PRR36: variants seen among roughly 807,000 people sequenced by gnomAD.
The protein encoded by PRR36 is proline rich 36.
A neutral mutation model predicts 58.6 loss-of-function variants in PRR36; 30 were observed. The ratio of observed to expected loss-of-function variants is 0.51; its 90% confidence interval spans 0.38 to 0.69. PRR36 has a LOEUF of 0.69. Among genes scored for constraint, PRR36 ranks in the 30% least tolerant of loss-of-function variants. PRR36 has a pLI of 0.00. For missense variants in PRR36, 1,692 were observed against 1,805.6 expected (o/e 0.94, Z 1.14); for synonymous variants, 771 against 829.3 (o/e 0.93, Z 1.21).
chr19:7,872,422 CGGCTT>C lies in PRR36; in HGVS notation c.817_821del (p.Lys273GlufsTer166). 4 of 1,450,842 alleles carry C rather than the reference CGGCTT, an allele frequency of 2.8e-6. No homozygotes were observed. Among genetic ancestry groups the C allele is most frequent in the Non-Finnish European group, 3.6e-6 (4 of 1,107,870 alleles). 89.9% of individuals were successfully genotyped at this position (1,450,842 alleles called of 1,614,324 possible). ...GGGGTCGCAGAGCCTGCAGTCCTTT[CGGCTT>C]GGGCTGCGAGGGATGCGCAGGAGCC... is the stretch of plus-strand genomic sequence containing the variant. On this transcript the variant is annotated frameshift_variant, in exon 5 of 6. Transcript: ENST00000618550. LOFTEE classifies it high-confidence loss of function. This position sits in a 1 kb window ranked among gnomAD's most constrained non-coding sequence, Gnocchi z 6.1.
Position 7,873,309 on chromosome 19 carries a change from G to A in PRR36, c.272-10C>T, listed in dbSNP as rs544523695. The stretch of plus-strand genomic sequence containing the variant: ...GCTGGGGGCCTGGAGGCTGCGGGGA[G>A]AAGGCCGAGTCACAGGTGCCCCGGA... On this transcript the variant is annotated splice_polypyrimidine_tract_variant and intron_variant, in intron 2 of 5. Coordinates refer to ENST00000618550, the MANE Select transcript of PRR36 (RefSeq NM_001190467.2). The surrounding 1 kb of genome is among the most constrained non-coding windows in gnomAD (Gnocchi z 5.0). 1.9e-3 allele frequency: 2,875 copies of A among 1,530,288 alleles called. 9 individuals are homozygous for A. Among genetic ancestry groups the A allele is most frequent in the Middle Eastern group, 0.016 (96 of 5,950 alleles). 94.8% of individuals were successfully genotyped at this position (1,530,288 alleles called of 1,614,324 possible). A position where few individuals can be genotyped will look rare whatever the true frequency, so the allele number is the denominator to read the frequency against.
rs1356969561 is a variant in PRR36, at chr19:7,874,269, G to C, written c.-8+17C>G. The C allele has an allele frequency of 1.3e-5, 2 of 152,216 alleles. No homozygotes were observed. Among genetic ancestry groups the C allele is most frequent in the African/African-American group, 4.8e-5 (2 of 41,430 alleles). 9.4% of individuals were successfully genotyped at this position (152,216 alleles called of 1,614,324 possible). On this transcript the variant is annotated intron_variant, in intron 1 of 5. Coordinates refer to ENST00000618550, the MANE Select transcript of PRR36 (RefSeq NM_001190467.2). The surrounding 1 kb of genome is among the most constrained non-coding windows in gnomAD (Gnocchi z 6.0). ...TGGCCCGCGCCCAGCCTCTCCACCT[G>C]CTCGCGTCGCGCTCACCTCCGCCTC... is the stretch of plus-strand genomic sequence containing the variant.
At position 7,871,024 on chromosome 19, in the gene PRR36, T is replaced by G; in HGVS notation, c.2220A>C (p.Leu740=). The G allele has an allele frequency of 7.0e-7, 1 of 1,432,604 alleles. No homozygotes were observed. The highest frequency in any genetic ancestry group is 2.6e-5 in the East Asian group (1 of 39,164). The allele number at this position is 1,432,604 out of a possible 1,614,324, so 88.7% of individuals were successfully genotyped here. ...TTPPLENLPS[L]APPPLQTASA... ...AAGCTGTCTGCAGAGGAGGCGGGGC[T>G]AGAGAAGGTAGGTTCTCCAGAGGGG... Residue 740 remains leucine, a synonymous_variant, in exon 5 of 6, where the codon CTA becomes CTC. Transcript: ENST00000618550.
chr19:7,869,833 G>A lies in PRR36; in HGVS notation c.3411C>T (p.Asp1137=), dbSNP rs1284212028. 9.6e-6 allele frequency: 13 copies of A among 1,350,624 alleles called. No homozygotes were observed. The East Asian group carries it at 3.4e-4, about 35-fold the overall frequency. 83.7% of individuals were successfully genotyped at this position (1,350,624 alleles called of 1,614,324 possible). ...TSTPEELRGY[D]SGPEGGAAAS... is the part of the protein sequence containing the mutation. Reference sequence around the variant, plus strand: ...CTGCGGCACCGCCCTCGGGCCCGCTGTCGTAGCCACGCAGCTCCTCTGGCG... The same window carrying A: ...CTGCGGCACCGCCCTCGGGCCCGCTATCGTAGCCACGCAGCTCCTCTGGCG... The change falls in exon 5 of 6, where the codon GAC becomes GAT. Residue 1137 remains aspartate (D), a synonymous_variant. Transcript: ENST00000618550.
In PRR36 at chr19:7,870,563, G is replaced by T; in HGVS notation, c.2681C>A (p.Pro894Gln). The T allele has an allele frequency of 1.8e-6, 2 of 1,120,154 alleles. No homozygotes were observed. Among genetic ancestry groups the T allele is most frequent in the Non-Finnish European group, 2.3e-6 (2 of 882,022 alleles). The allele number at this position is 1,120,154 out of a possible 1,614,324, so 69.4% of individuals were successfully genotyped here. The change falls in exon 5 of 6, where the codon CCA becomes CAA. Residue 894 changes from proline (P) to glutamine (Q), a missense_variant. Pro to Gln is a moderately conservative substitution (Grantham distance 76). Transcript: ENST00000618550. ...QAPFSPPPSP[P>Q]VQAPFSPPAS... ...AGGGGGAGAGAAAGGGGCCTGCACTGGGGGTGAGGGAGGGGGAGAGAAAGG... is the reference window on the plus strand; with the variant it reads ...AGGGGGAGAGAAAGGGGCCTGCACTTGGGGTGAGGGAGGGGGAGAGAAAGG...
In PRR36 at chr19:7,871,463, A is replaced by C; in HGVS notation, c.1781T>G (p.Leu594Arg). 1 of 1,534,990 alleles carries C rather than the reference A, an allele frequency of 6.5e-7. No homozygotes were observed. The highest frequency in any genetic ancestry group is 8.7e-7 in the Non-Finnish European group (1 of 1,146,682). ...TIPPIQVPHSLTSPSLQAPPS... is the reference protein window; with the variant it reads ...TIPPIQVPHSRTSPSLQAPPS... ...AGGTGCCTGCAGAGACGGTGAGGTC[A>C]GAGAATGTGGGACCTGTATTGGGGG... is the stretch of plus-strand genomic sequence containing the variant. Residue 594 changes from leucine to arginine, a missense_variant, in exon 5 of 6, where the codon CTG becomes CGG. Around this residue, in one of 5 missense-constraint regions of PRR36, gnomAD observed 975 missense variants for 955.2 expected, o/e 1.02. Transcript: ENST00000618550.
In PRR36 at chr19:7,873,762, C is replaced by A; in HGVS notation, c.-7-66G>T. On this transcript the variant is annotated intron_variant, in intron 1 of 5. Coordinates refer to ENST00000618550, the MANE Select transcript of PRR36 (RefSeq NM_001190467.2). The surrounding 1 kb of genome is among the most constrained non-coding windows in gnomAD (Gnocchi z 5.0). ...CTACGCCGCCTCCAGAGACCTGGAC[C>A]CTGCTACCTCACTGCCCTTTCGCAG... is the stretch of plus-strand genomic sequence containing the variant. The A allele has an allele frequency of 7.0e-7, 1 of 1,427,488 alleles. No individual in the cohort carries two copies. The highest frequency in any genetic ancestry group is 9.3e-7 in the Non-Finnish European group (1 of 1,071,836). The allele number at this position is 1,427,488 out of a possible 1,614,324, so 88.4% of individuals were successfully genotyped here.
Position 7,869,111 on chromosome 19 carries a change from C to G in PRR36, c.3963G>C (p.Ser1321=). Residue 1321 remains serine, a synonymous_variant, in exon 6 of 6, where the codon TCG becomes TCC. Transcript: ENST00000618550. ...PLDESRASIT[S]VTSFSPDDVA... ...CGTCGTCCGGAGAGAAGCTGGTGAC[C>G]GAGGTGATGCTGGCACGGGACTCGT... is the stretch of plus-strand genomic sequence containing the variant. 6.5e-7 allele frequency: 1 copy of G among 1,534,898 alleles called. No individual in the cohort carries two copies. The highest frequency in any genetic ancestry group is 8.7e-7 in the Non-Finnish European group (1 of 1,146,474).
Position 7,870,674 on chromosome 19 carries a change from G to C in PRR36, c.2570C>G (p.Ser857Cys), listed in dbSNP as rs1177951166. The change falls in exon 5 of 6, where the codon TCT becomes TGT. Residue 857 changes from serine to cysteine, a missense_variant. Physicochemically the swap from Ser to Cys is moderately radical, Grantham distance 112 (BLOSUM62 -1). Around this residue, in one of 5 missense-constraint regions of PRR36, gnomAD observed 171 missense variants for 146.2 expected, o/e 1.17. Coordinates refer to ENST00000618550, the MANE Select transcript of PRR36 (RefSeq NM_001190467.2). ...LALPPLQAPP[S>C]PPASPPLSPL... is the part of the protein sequence containing the mutation. ...AGACAGAGGGGGTGAGGCAGGGGGA[G>C]AGGGAGGGGCCTGCAGAGGAGGCAA... The C allele has an allele frequency of 3.5e-5, 48 of 1,361,078 alleles. No homozygotes were observed. Among genetic ancestry groups the C allele is most frequent in the Non-Finnish European group, 4.4e-5 (47 of 1,056,234 alleles). The allele number at this position is 1,361,078 out of a possible 1,614,324, so 84.3% of individuals were successfully genotyped here.
At position 7,868,877 on chromosome 19, in the gene PRR36, G is replaced by A; in HGVS notation, c.*156C>T. 1.1e-6 allele frequency: 1 copy of A among 876,126 alleles called. No individual in the cohort carries two copies. The highest frequency in any genetic ancestry group is 1.6e-6 in the Non-Finnish European group (1 of 610,466). 54.3% of individuals were successfully genotyped at this position (876,126 alleles called of 1,614,324 possible). Reference sequence around the variant, plus strand: ...GGTCAAAGCTGTGGGTAGGTCCCGAGCCTCCGAGGCCAAAGGCTCAGGCTC... The same window carrying A: ...GGTCAAAGCTGTGGGTAGGTCCCGAACCTCCGAGGCCAAAGGCTCAGGCTC... On this transcript the variant is annotated 3_prime_UTR_variant, in exon 6 of 6. Coordinates refer to ENST00000618550, the MANE Select transcript of PRR36 (RefSeq NM_001190467.2).
Position 7,869,514 on chromosome 19 carries a change from C to G in PRR36, c.3560G>C (p.Gly1187Ala), listed in dbSNP as rs1177518556. Residue 1187 changes from glycine (G) to alanine (A), a missense_variant, in exon 6 of 6, where the codon GGA (glycine) becomes GCA (alanine). This residue lies in a region of PRR36 where 485 missense variants were observed against 549.2 expected (regional missense o/e 0.88). Transcript: ENST00000618550. ...GCACAGACCGTCAGCAGAGCCCGGTCCGGTAGCGGGAGGCCACGGCAGGGG... is the reference window on the plus strand; with the variant it reads ...GCACAGACCGTCAGCAGAGCCCGGTGCGGTAGCGGGAGGCCACGGCAGGGG... ...GAPLPWPPAT[G>A]PGSADGLCTI... 6.6e-7 allele frequency: 1 copy of G among 1,520,342 alleles called. No individual in the cohort carries two copies. 94.2% of individuals were successfully genotyped at this position (1,520,342 alleles called of 1,614,324 possible).
rs1980431728 is a variant in PRR36 at position 7,871,307 on chromosome 19, G to A, written c.1937C>T (p.Pro646Leu). ...GGGTGAATCAGGGGGAGTAGAGGCC[G>A]GCCGAGAAGGTGAGATCAAAGAAGC... The part of the protein sequence containing the change: ...TQASLISPSR[P>L]ASTPPDSPPL... Residue 646 changes from proline (P) to leucine (L), a missense_variant, in exon 5 of 6, where the codon CCG becomes CTG. This residue lies in a region of PRR36 where 975 missense variants were observed against 955.2 expected (regional missense o/e 1.02). Transcript: ENST00000618550. 5.9e-6 allele frequency: 9 copies of A among 1,528,424 alleles called. No individual in the cohort carries two copies. The highest frequency in any genetic ancestry group is 6.1e-6 in the Non-Finnish European group (7 of 1,142,442). 94.7% of individuals were successfully genotyped at this position (1,528,424 alleles called of 1,614,324 possible).
Position 7,873,461 on chromosome 19 carries a change from C to A in PRR36, c.229G>T (p.Ala77Ser). 1 of 1,535,074 alleles carries A rather than the reference C, an allele frequency of 6.5e-7. No homozygotes were observed. Among genetic ancestry groups the A allele is most frequent in the South Asian group, 1.2e-5 (1 of 83,904 alleles). The change falls in exon 2 of 6, where the codon GCG becomes TCG. Residue 77 changes from alanine to serine, a missense_variant. Transcript: ENST00000618550. The surrounding 1 kb of genome is among the most constrained non-coding windows in gnomAD (Gnocchi z 5.0). ...GATIPESAPR[A>S]GPTRSAGTSS... is the part of the protein sequence containing the mutation. ...GTCCCAGCACTCCGCGTTGGTCCCG[C>A]TCGGGGAGCAGACTCGGGAATAGTG...
Position 7,873,542 on chromosome 19 carries a change from C to T in PRR36, c.148G>A (p.Ala50Thr). The T allele has an allele frequency of 1.3e-6, 2 of 1,535,048 alleles. No individual in the cohort carries two copies. The highest frequency in any genetic ancestry group is 1.2e-5 in the South Asian group (1 of 84,020). The change falls in exon 2 of 6, where the codon GCG becomes ACG. Residue 50 changes from alanine to threonine, a missense_variant. Ala to Thr is a moderately conservative substitution (Grantham distance 58). Coordinates refer to ENST00000618550, the MANE Select transcript of PRR36 (RefSeq NM_001190467.2). The surrounding 1 kb of genome is among the most constrained non-coding windows in gnomAD (Gnocchi z 5.0). ...AGAGGCTTTCGCCCCACTGCTCCCG[C>T]AGCTCCCAGAACTCGGAGGGCTGCG... ...TPAALRVLGAAGAVGRKPLAE... is the reference protein window; with the variant it reads ...TPAALRVLGATGAVGRKPLAE...
At position 7,874,348 on chromosome 19, in the gene PRR36, G is replaced by A. The variant is rs1280775391; in HGVS notation, c.-70C>T. On this transcript the variant is annotated 5_prime_UTR_variant, in exon 1 of 6. Coordinates refer to ENST00000618550, the MANE Select transcript of PRR36 (RefSeq NM_001190467.2). The surrounding 1 kb of genome is among the most constrained non-coding windows in gnomAD (Gnocchi z 6.0). ...CCTGGGGTGGGGCCCGGGCCGGAGC[G>A]ACGCGGTGGCCGCCAGCGGCGAGGA... 6.6e-6 allele frequency: 1 copy of A among 151,428 alleles called. No individual in the cohort carries two copies. The highest frequency in any genetic ancestry group is 2.4e-5 in the African/African-American group (1 of 41,336). The allele number at this position is 151,428 out of a possible 1,614,324, so 9.4% of individuals were successfully genotyped here. A position where few individuals can be genotyped will look rare whatever the true frequency, so the allele number is the denominator to read the frequency against.
rs534753035 is a variant in PRR36 at position 7,872,952 on chromosome 19, A to G, written c.384T>C (p.Pro128=). Residue 128 remains proline (P), a synonymous_variant, in exon 4 of 6, where the codon CCT becomes CCC. Transcript: ENST00000618550. This position sits in a 1 kb window ranked among gnomAD's most constrained non-coding sequence, Gnocchi z 6.1. ...AGATCCGGAGTCCCTTCTGGCCAAG[A>G]GGGCCTGGCCTGGAGACAGAAGGGG... The part of the protein sequence containing the change: ...GRASGTTRPG[P]LGQKGLRISA... 4.7e-5 allele frequency: 72 copies of G among 1,535,918 alleles called. No individual in the cohort carries two copies. In the African/African-American group the frequency reaches 7.9e-4, roughly 17 times the overall value.
Position 7,872,488 on chromosome 19 carries a change from TG to T in PRR36, c.755del (p.Pro252GlnfsTer45). The T allele has an allele frequency of 6.7e-7, 1 of 1,482,928 alleles. No individual in the cohort carries two copies. Among genetic ancestry groups the T allele is most frequent in the Admixed American group, 2.4e-5 (1 of 42,090 alleles). The allele number at this position is 1,482,928 out of a possible 1,614,324, so 91.9% of individuals were successfully genotyped here. On this transcript the variant is annotated frameshift_variant, in exon 5 of 6. Coordinates refer to ENST00000618550, the MANE Select transcript of PRR36 (RefSeq NM_001190467.2). LOFTEE classifies it high-confidence loss of function. This position sits in a 1 kb window ranked among gnomAD's most constrained non-coding sequence, Gnocchi z 6.1. ...CGCGGGCTGAGGGCCCAGAACGGGC[TG>T]GGGAGGAGAGAGGGGTGGCGCTGGA... ...LSSSATPLSS[P>X]ARSGPSARGT...
chr19:7,873,492 G>A lies in PRR36; in HGVS notation c.198C>T (p.Gly66=), dbSNP rs1980563029. ...GAGCAGACTCGGGAATAGTGGCCCC[G>A]CCGATGCCCCCCGCTCGCTCTGCCA... ...KPLAERAGGI[G]GATIPESAPR... is the part of the protein sequence containing the mutation. Residue 66 remains glycine (G), a synonymous_variant, in exon 2 of 6, where the codon GGC becomes GGT. Coordinates refer to ENST00000618550, the MANE Select transcript of PRR36 (RefSeq NM_001190467.2). This position sits in a 1 kb window ranked among gnomAD's most constrained non-coding sequence, Gnocchi z 5.0. 2 of 1,535,496 alleles carry A rather than the reference G, an allele frequency of 1.3e-6. No homozygotes were observed. The highest frequency in any genetic ancestry group is 1.7e-4 in the Middle Eastern group (1 of 5,798).
Position 7,870,368 on chromosome 19 carries a change from A to G in PRR36, c.2876T>C (p.Val959Ala), listed in dbSNP as rs931270254. Residue 959 changes from valine (V) to alanine (A), a missense_variant, in exon 5 of 6, where the codon GTC becomes GCC. Val to Ala is a moderately conservative substitution (Grantham distance 64, BLOSUM62 0). This residue lies in a region of PRR36 where 23 missense variants were observed against 54.2 expected (regional missense o/e 0.42). Transcript: ENST00000618550. The stretch of plus-strand genomic sequence containing the variant: ...GGGAGAGGCAGGGGGAGAGGGTGGG[A>G]CCTGCAGAGGAGGCGCAGCGAGAGG... ...PPPLAAPPLQVPPSPPASPPM... is the reference protein window; with the variant it reads ...PPPLAAPPLQAPPSPPASPPM... 53 of 475,848 alleles carry G rather than the reference A, an allele frequency of 1.1e-4. No homozygotes were observed. Among genetic ancestry groups the G allele is most frequent in the Admixed American group, 7.5e-4 (4 of 5,310 alleles). The allele number at this position is 475,848 out of a possible 1,614,324, so 29.5% of individuals were successfully genotyped here. A position where few individuals can be genotyped will look rare whatever the true frequency, so the allele number is the denominator to read the frequency against.
Sources: allele counts gnomAD v4.1 joint callset, GRCh38; gene constraint gnomAD v4.1.1; regional missense constraint gnomAD v4.1.1; non-coding constraint Gnocchi (gnomAD v3.1); transcripts MANE v1.5; gene names NCBI Gene and HGNC (gene_info 2026-07-23, HGNC 2026-07-21).